UTRN: variants seen among roughly 807,000 people sequenced by gnomAD.
UTRN encodes dystrophin-related protein 1.
UTRN carries 283 observed loss-of-function variants against 463.9 expected under a neutral mutation model. The ratio of observed to expected loss-of-function variants is 0.61; its 90% CI spans 0.55 to 0.67. UTRN has a LOEUF of 0.67. Ranked by LOEUF, UTRN falls within the 30% of genes least tolerant of loss-of-function variation. The pLI, the probability that UTRN is intolerant of heterozygous loss-of-function variation, is 0.00. For synonymous variants in UTRN, 1,442 were observed against 1,431.5 expected (o/e 1.01, Z -0.17); for missense variants, 3,922 against 4,084.3 (o/e 0.96, Z 1.08).
intron 2 of UTRN, among the ~76,000 whole-genome samples, chr6:144,358,997 G>A (rs1033902058): frequency 1.8e-4 from 27 of 152,064 alleles, no homozygotes; most frequent in African/African-American, 6.3e-4. Flanking sequence ...TTTCTGTTAG[G>A]TAGTTATACC....
At chr6:144,628,275 ACATGACGTTTTAAT>A (rs1776153699) in intron 51 of UTRN, among the ~76,000 whole-genome samples, 1 of 152,130 alleles carries the variant, frequency 6.6e-6, no homozygotes, top group Non-Finnish European at 1.5e-5. Context: ...GTCTATATAA[ACATGACGTTTTAAT>A]CAGATATTTT....
intron 51 of UTRN, among the ~76,000 whole-genome samples, chr6:144,578,180 G>A (rs935616052): frequency 2.6e-5 from 4 of 152,154 alleles, no homozygotes; most frequent in African/African-American, 9.7e-5. Flanking sequence ...TTCATTCTAG[G>A]TGGCAGAACG....
intron 51 of UTRN, among the ~76,000 whole-genome samples, chr6:144,648,683 C>T (rs937678955): frequency 5.9e-5 from 9 of 152,100 alleles, no homozygotes; most frequent in Non-Finnish European, 1.3e-4. Context: ...GAAAATGGAA[C>T]GATGGATTAA....
At chr6:144,845,992 C>T (rs1781978348) in intron 73 of UTRN, among the ~76,000 whole-genome samples, 1 of 151,894 alleles carries the variant, frequency 6.6e-6, no homozygotes, top group African/African-American at 2.4e-5. Flanking sequence ...CTAGGGACAA[C>T]TTTTATTTGA....
At position 144,514,680 on chromosome 6, in the gene UTRN, C is replaced by A; in HGVS notation, c.5104C>A (p.Leu1702Ile). 3 of 1,614,054 alleles carry A rather than the reference C, an allele frequency of 1.9e-6. No individual in the cohort carries two copies. Among genetic ancestry groups the A allele is most frequent in the Non-Finnish European group, 2.5e-6 (3 of 1,180,000 alleles). ...RLVSELDDAN[L>I]QVENVRDQAL... Reference sequence around the variant, plus strand: ...AGTATCTGAGCTGGATGATGCCAACCTCCAGGTTGAAAATGTCCGCGATCA... The same window carrying A: ...AGTATCTGAGCTGGATGATGCCAACATCCAGGTTGAAAATGTCCGCGATCA... The change falls in exon 37 of 75, where the codon CTC (leucine) becomes ATC (isoleucine). Residue 1702 changes from leucine to isoleucine, a missense_variant. Around this residue, in one of 3 missense-constraint regions of UTRN, gnomAD observed 2,349 missense variants for 2,303.8 expected, o/e 1.02. Coordinates refer to ENST00000367545, the MANE Select transcript of UTRN (RefSeq NM_007124.3).
At chr6:144,358,125 G>A (rs1368977258) in intron 2 of UTRN, among the ~76,000 whole-genome samples, 2 of 152,194 alleles carry the variant, frequency 1.3e-5, no homozygotes, top group East Asian at 3.8e-4. Context: ...GGATATTGTG[G>A]GTATTAGACT....
At chr6:144,664,485 T>TC (rs1430711025) in intron 51 of UTRN, among the ~76,000 whole-genome samples, 4 of 151,814 alleles carry the variant, frequency 2.6e-5, no homozygotes, top group African/African-American at 9.7e-5. Flanking sequence ...TTTTTTTTTT[T>TC]TGGAGACATG....
At chr6:144,828,939 T>C in intron 69 of UTRN, 84 bp downstream of exon 69, 5 of 1,466,502 alleles carry the variant, frequency 3.4e-6, no homozygotes, top group Non-Finnish European at 3.8e-6. Flanking sequence ...CTGATGTGGC[T>C]CTGAATCTTG....
chr6:144,381,044 G>A (rs547831063), intron 2 of UTRN, among the ~76,000 whole-genome samples: 2 of 151,612 alleles, frequency 1.3e-5, no homozygotes, highest in South Asian at 4.2e-4. Context: ...AAGTTAAGGG[G>A]TACATGTGTA....
chr6:144,431,455 C>T (rs1253968165), intron 9 of UTRN, among the ~76,000 whole-genome samples: 1 of 152,238 alleles, frequency 6.6e-6, no homozygotes, highest in Non-Finnish European at 1.5e-5. Context: ...AATCATCTCT[C>T]TGACATAGCT....
intron 69 of UTRN, among the ~76,000 whole-genome samples, chr6:144,829,300 C>T (rs1025223042): frequency 6.6e-6 from 1 of 152,036 alleles, no homozygotes; most frequent in Non-Finnish European, 1.5e-5. Flanking sequence ...ATATATACTC[C>T]TACCCTTCAT....
chr6:144,393,276 A>G (rs887268759), intron 2 of UTRN, among the ~76,000 whole-genome samples: 4 of 152,208 alleles, frequency 2.6e-5, no homozygotes, highest in Non-Finnish European at 5.9e-5. Flanking sequence ...GCAACTCCTT[A>G]ACAACATGCT....
intron 2 of UTRN, among the ~76,000 whole-genome samples, chr6:144,379,610 G>A (rs574165446): frequency 4.6e-5 from 7 of 152,282 alleles, no homozygotes; most frequent in African/African-American, 9.6e-5. Flanking sequence ...TCAAAAGTCC[G>A]ACTCATCACT....
In UTRN at chr6:144,628,838, T is replaced by C. The variant is rs1202589954; in HGVS notation, c.7480-49568T>C. On this transcript the variant is annotated intron_variant, in intron 51 of 74. Coordinates refer to ENST00000367545, the MANE Select transcript of UTRN (RefSeq NM_007124.3). ...CATCTCTTTGGGATACATTGGTCAT[T>C]GTTACAGAGTTAAACTGCCCGGGCA... Among the ~76,000 whole-genome samples the C allele has an allele frequency of 2.6e-5, 4 of 152,188 alleles. No homozygotes were observed. In the East Asian group the frequency reaches 7.8e-4, roughly 29 times the overall value.
intron 41 of UTRN, among the ~76,000 whole-genome samples, chr6:144,529,029 G>A (rs1796805555): frequency 6.6e-6 from 1 of 152,156 alleles, no homozygotes; most frequent in Non-Finnish European, 1.5e-5. Flanking sequence ...TGTTCCCAGG[G>A]GGATTATGGC....
chr6:144,702,908 T>C (rs1784732078), intron 53 of UTRN, among the ~76,000 whole-genome samples: 1 of 152,170 alleles, frequency 6.6e-6, no homozygotes, highest in African/African-American at 2.4e-5. Flanking sequence ...TATTCTTTCT[T>C]AAGGACTTTG....
At chr6:144,609,261 C>T (rs1411997009) in intron 51 of UTRN, among the ~76,000 whole-genome samples, 1 of 152,068 alleles carries the variant, frequency 6.6e-6, no homozygotes, top group Non-Finnish European at 1.5e-5. Context: ...ATATTTCACA[C>T]ACATGGAAAC....
chr6:144,720,405 C>T (rs949368476), intron 53 of UTRN, among the ~76,000 whole-genome samples: 1 of 152,158 alleles, frequency 6.6e-6, no homozygotes, highest in African/African-American at 2.4e-5. Context: ...CTGCCTGGTG[C>T]TCAGAGGCAC....
At chr6:144,591,827 A>T (rs1803104966) in intron 51 of UTRN, among the ~76,000 whole-genome samples, 1 of 152,188 alleles carries the variant, frequency 6.6e-6, no homozygotes, top group Non-Finnish European at 1.5e-5. Flanking sequence ...TGGCTCAAAA[A>T]TTTTATAAAA....
Sources: allele counts gnomAD v4.1 joint callset (sites outside exome capture counted in the v4.1 genomes callset), GRCh38; gene constraint gnomAD v4.1.1; regional missense constraint gnomAD v4.1.1; transcripts MANE v1.5; gene names NCBI Gene and HGNC (gene_info 2026-07-23, HGNC 2026-07-21).